Variants in NFIA observed in about 807,000 individuals in gnomAD.
NFIA encodes the protein nuclear factor 1 A-type.
Under a neutral mutation model 62.8 loss-of-function variants are expected in NFIA, and 8 were observed. The ratio of observed to expected loss-of-function variants is 0.13; its 90% CI spans 0.07 to 0.23. NFIA has a LOEUF of 0.23. Ranked by LOEUF, NFIA falls within the 10% of genes least tolerant of loss-of-function variation. The pLI is 1.00. For synonymous variants in NFIA, 235 were observed against 238.1 expected (o/e 0.99, Z 0.12); for missense variants, 410 against 642.1 (o/e 0.64, Z 3.91).
intron 10 of NFIA, among the ~76,000 whole-genome samples, chr1:61,441,624 A>T (rs1258797147): frequency 6.6e-6 from 1 of 152,226 alleles, no homozygotes; most frequent in Non-Finnish European, 1.5e-5. Flanking sequence ...ATTAGGATTA[A>T]TTTAACCTGA....
At chr1:61,114,319 TAAA>T (rs144411885) in intron 2 of NFIA, among the ~76,000 whole-genome samples, 1 of 147,694 alleles carries the variant, frequency 6.8e-6, no homozygotes, top group African/African-American at 2.6e-5. Flanking sequence ...GACCCCATCT[TAAA>T]AAAATTTTTT....
intron 2 of NFIA, among the ~76,000 whole-genome samples, chr1:61,276,002 T>C (rs181557956): frequency 6.7e-4 from 102 of 152,240 alleles, no homozygotes; most frequent in African/African-American, 2.2e-3. Context: ...TCTTTAAAGG[T>C]TTTTGGCATA....
At chr1:61,128,930 T>G (rs1647025403) in intron 2 of NFIA, among the ~76,000 whole-genome samples, 2 of 134,662 alleles carry the variant, frequency 1.5e-5, no homozygotes, top group South Asian at 2.6e-4. Flanking sequence ...TTTTTTTTTT[T>G]TTTTTTTTTT....
At position 61,462,676 on chromosome 1, in the gene NFIA, C is replaced by G. The variant is rs893330269; in HGVS notation, c.*7356C>G. 2.6e-5 allele frequency: 4 copies of G among 152,196 alleles called. No individual in the cohort carries two copies. Among genetic ancestry groups the G allele is most frequent in the Admixed American group, 6.5e-5 (1 of 15,282 alleles). The allele number at this position is 152,196 out of a possible 1,614,324, so 9.4% of individuals were successfully genotyped here. A position where few individuals can be genotyped will look rare whatever the true frequency, so the allele number is the denominator to read the frequency against. On this transcript the variant is annotated 3_prime_UTR_variant, in exon 11 of 11. Transcript: ENST00000403491. Reference sequence around the variant, plus strand: ...TGAGCTGGTGTGGATTAGTTTAACTCTTGTATTCAACCATTAGTGCTACCA... The same window carrying G: ...TGAGCTGGTGTGGATTAGTTTAACTGTTGTATTCAACCATTAGTGCTACCA...
At chr1:61,146,920 T>C (rs547901648) in intron 2 of NFIA, among the ~76,000 whole-genome samples, 19 of 152,150 alleles carry the variant, frequency 1.2e-4, no homozygotes, top group African/African-American at 4.3e-4. Flanking sequence ...TGTGATGAGG[T>C]TGGGTTCAGG....
At chr1:61,156,539 G>C (rs958095209) in intron 2 of NFIA, among the ~76,000 whole-genome samples, 3 of 152,140 alleles carry the variant, frequency 2.0e-5, no homozygotes, top group African/African-American at 7.2e-5. Flanking sequence ...ATTATACCGG[G>C]TAGTTTAAAA....
At chr1:61,091,790 A>T (rs149354068) in intron 2 of NFIA, among the ~76,000 whole-genome samples, 1 of 152,222 alleles carries the variant, frequency 6.6e-6, no homozygotes, top group Non-Finnish European at 1.5e-5. Flanking sequence ...GACCTTTTAG[A>T]TAAAGTTAAC....
At chr1:61,105,205 G>A (rs1239146827) in intron 2 of NFIA, among the ~76,000 whole-genome samples, 1 of 151,940 alleles carries the variant, frequency 6.6e-6, no homozygotes, top group African/African-American at 2.4e-5. Flanking sequence ...TGTTTATAAA[G>A]TATTAAGAAT....
chr1:61,289,071 A>T (rs1658695481), intron 3 of NFIA, among the ~76,000 whole-genome samples: 1 of 152,166 alleles, frequency 6.6e-6, no homozygotes, highest in South Asian at 2.1e-4. Context: ...CGCCTGGAGT[A>T]AGCTTCTAAG....
intron 9 of NFIA, among the ~76,000 whole-genome samples, chr1:61,418,456 C>A (rs1475110385): frequency 2.6e-5 from 4 of 151,512 alleles, no homozygotes; most frequent in Admixed American, 2.6e-4. Context: ...CAAGACCCAT[C>A]TCAAAAAAGA....
At position 61,235,328 on chromosome 1, in the gene NFIA, T is replaced by C. The variant is rs557643953; in HGVS notation, c.560-42192T>C. On this transcript the variant is annotated intron_variant, in intron 2 of 10. Coordinates refer to ENST00000403491, the MANE Select transcript of NFIA (RefSeq NM_001134673.4). Reference sequence around the variant, plus strand: ...ATACAAAAAAATTAGCCAGGTGTGGTGGGTGGTGCCTGTAGTCCCAGCTAC... The same window carrying C: ...ATACAAAAAAATTAGCCAGGTGTGGCGGGTGGTGCCTGTAGTCCCAGCTAC... 1.6e-3 allele frequency among the ~76,000 whole-genome samples: 246 copies of C among 151,904 alleles called. 1 individual carries two copies. The highest frequency in any genetic ancestry group is 5.6e-3 in the African/African-American group (234 of 41,464).
chr1:61,357,435 G>A (rs527237009), intron 5 of NFIA, among the ~76,000 whole-genome samples: 1 of 152,144 alleles, frequency 6.6e-6, no homozygotes, highest in Non-Finnish European at 1.5e-5. Context: ...ATGACAGTTT[G>A]CCCATTGATA....
At chr1:61,107,109 T>C (rs1004726001) in intron 2 of NFIA, among the ~76,000 whole-genome samples, 1 of 151,730 alleles carries the variant, frequency 6.6e-6, no homozygotes, top group African/African-American at 2.4e-5. Context: ...TTCTTGGTCT[T>C]AGCAAGTGCT....
chr1:61,140,696 C>A (rs867401605), intron 2 of NFIA, among the ~76,000 whole-genome samples: 2 of 152,248 alleles, frequency 1.3e-5, no homozygotes, highest in Middle Eastern at 3.4e-3. Context: ...GCTATTACCT[C>A]TGGGCATTCT....
intron 3 of NFIA, among the ~76,000 whole-genome samples, chr1:61,316,711 T>A (rs17121942): frequency 0.054 from 8,217 of 152,264 alleles, 755 homozygotes; most frequent in African/African-American, 0.19. Flanking sequence ...TTATGTTCCC[T>A]AAAATCAAGG....
chr1:61,430,329 T>G (rs991077666), intron 10 of NFIA, among the ~76,000 whole-genome samples: 1 of 152,226 alleles, frequency 6.6e-6, no homozygotes, highest in African/African-American at 2.4e-5. Context: ...TCTTATTATA[T>G]TCATAATACA....
At chr1:61,332,656 C>G in intron 4 of NFIA, 70 bp downstream of exon 4, 1 of 1,298,802 alleles carries the variant, frequency 7.7e-7, no homozygotes, top group East Asian at 2.4e-5. Context: ...CCTAGGACTC[C>G]TAGAGACCAA....
At chr1:61,096,483 C>G (rs1646415481) in intron 2 of NFIA, among the ~76,000 whole-genome samples, 1 of 151,430 alleles carries the variant, frequency 6.6e-6, no homozygotes, top group Non-Finnish European at 1.5e-5. Context: ...GGATTACAGG[C>G]ATGAGCCACC....
chr1:61,084,787 C>T (rs1646189072), intron 1 of NFIA, among the ~76,000 whole-genome samples: 1 of 151,834 alleles, frequency 6.6e-6, no homozygotes, highest in African/African-American at 2.4e-5. Context: ...AGGCCTAGGG[C>T]ACAGTCAGGT....
Sources: allele counts gnomAD v4.1 joint callset (sites outside exome capture counted in the v4.1 genomes callset), GRCh38; gene constraint gnomAD v4.1.1; transcripts MANE v1.5; gene names NCBI Gene and HGNC (gene_info 2026-07-23, HGNC 2026-07-21).